Variants in SLC23A2 observed in about 807,000 individuals in gnomAD.
SLC23A2 encodes the protein solute carrier family 23 member 2.
SLC23A2 carries 36 observed loss-of-function variants against 73.3 expected under a neutral mutation model. The observed-to-expected ratio is 0.49, with a 90% CI of 0.38 to 0.65. The LOEUF (loss-of-function observed/expected upper bound fraction) is 0.65. SLC23A2 is among the 30% of genes least tolerant of loss of function. The pLI is 0.00. For synonymous variants in SLC23A2, 343 were observed against 327.3 expected (o/e 1.05, Z -0.52); for missense variants, 507 against 841.6 (o/e 0.60, Z 4.92).
intron 1 of SLC23A2, among the ~76,000 whole-genome samples, chr20:4,993,219 G>C (rs2087957713): frequency 6.6e-6 from 1 of 150,684 alleles, no homozygotes; most frequent in African/African-American, 2.5e-5. Context: ...GGGAGGTGGA[G>C]CTTGCAGTGA....
intron 3 of SLC23A2, among the ~76,000 whole-genome samples, chr20:4,923,427 G>A (rs186981559): frequency 6.6e-6 from 1 of 152,088 alleles, no homozygotes; most frequent in Non-Finnish European, 1.5e-5. Flanking sequence ...AACAGAAAAG[G>A]GTGCTCATCT....
upstream of SLC23A2, among the ~76,000 whole-genome samples, chr20:5,003,781 C>T (rs1350788510): frequency 6.6e-6 from 1 of 152,120 alleles, no homozygotes; most frequent in African/African-American, 2.4e-5. Context: ...CCCCTGCCAT[C>T]ACCCCTCAGG....
chr20:4,880,831 A>T (rs1342103439), intron 9 of SLC23A2, among the ~76,000 whole-genome samples: 3 of 151,976 alleles, frequency 2.0e-5, no homozygotes, highest in African/African-American at 7.3e-5. Context: ...AGACATTGGA[A>T]CAGTAAGAAA....
chr20:4,920,180 G>T (rs1932456764), intron 3 of SLC23A2, among the ~76,000 whole-genome samples: 2 of 152,190 alleles, frequency 1.3e-5, no homozygotes, highest in Non-Finnish European at 2.9e-5. Context: ...AGAATTGCTT[G>T]AACCTGGGAG....
intron 1 of SLC23A2, among the ~76,000 whole-genome samples, chr20:4,990,178 C>T (rs2087902741): frequency 1.3e-5 from 2 of 152,232 alleles, no homozygotes; most frequent in African/African-American, 2.4e-5. Flanking sequence ...CTTTGTCAGG[C>T]CACAGATTTT....
chr20:4,870,221 C>T (rs1427277212), intron 11 of SLC23A2, among the ~76,000 whole-genome samples, 168 bp from the exon 12 acceptor site: 3 of 152,162 alleles, frequency 2.0e-5, no homozygotes, highest in African/African-American at 4.8e-5. Flanking sequence ...ATGCCTGGGA[C>T]AGTTGCTAAG....
intron 4 of SLC23A2, among the ~76,000 whole-genome samples, chr20:4,908,328 G>GA (rs1361017827): frequency 6.6e-6 from 1 of 152,120 alleles, no homozygotes; most frequent in Non-Finnish European, 1.5e-5. Flanking sequence ...AACCTAAGCT[G>GA]AGAGAGATTC....
intron 9 of SLC23A2, among the ~76,000 whole-genome samples, chr20:4,881,742 T>C (rs1313233295): frequency 1.3e-5 from 2 of 152,246 alleles, no homozygotes; most frequent in Non-Finnish European, 2.9e-5. Flanking sequence ...ATGTGCTGTA[T>C]CTGCTTTAAA....
intron 1 of SLC23A2, among the ~76,000 whole-genome samples, chr20:5,008,630 C>T (rs1350579093): frequency 6.6e-6 from 1 of 152,146 alleles, no homozygotes; most frequent in African/African-American, 2.4e-5. Context: ...TCCTCATCCC[C>T]CACCTCCCCT....
intron 2 of SLC23A2, among the ~76,000 whole-genome samples, chr20:4,944,988 C>T (rs1256572011): frequency 6.8e-6 from 1 of 146,162 alleles, no homozygotes; most frequent in Non-Finnish European, 1.5e-5. Flanking sequence ...TTGAATGAAA[C>T]GCTCTGAATT....
upstream of SLC23A2, among the ~76,000 whole-genome samples, chr20:5,003,743 G>A (rs2088160074): frequency 6.6e-6 from 1 of 151,768 alleles, no homozygotes; most frequent in African/African-American, 2.4e-5. Flanking sequence ...CTGCCCAGCC[G>A]TCCTGCCTGC....
Position 4,884,795 on chromosome 20 carries a change from C to A in SLC23A2, c.600G>T (p.Glu200Asp). 14 of 1,574,424 alleles carry A rather than the reference C, an allele frequency of 8.9e-6. No individual in the cohort carries two copies. Among genetic ancestry groups the A allele is most frequent in the Non-Finnish European group, 1.2e-5 (14 of 1,167,264 alleles). ...TDVSVANGTA[E>D]LLHTEHIWYP... Reference sequence around the variant, plus strand: ...ACCAGATGTGTTCTGTGTGCAACAGCTCTGCTGTTCCATTGGCAACTGAAA... The same window carrying A: ...ACCAGATGTGTTCTGTGTGCAACAGATCTGCTGTTCCATTGGCAACTGAAA... The change falls in exon 8 of 17, where the codon GAG (glutamate) becomes GAT (aspartate). Residue 200 changes from glutamate (E) to aspartate (D), a missense_variant. By Grantham distance (45) the Glu-to-Asp change is conservative. Transcript: ENST00000338244.
At chr20:4,884,002 T>A (rs1356150675) in intron 8 of SLC23A2, among the ~76,000 whole-genome samples, 179 bp from the exon 9 acceptor site, 2 of 152,202 alleles carry the variant, frequency 1.3e-5, no homozygotes, top group East Asian at 3.8e-4. Context: ...GGGCACTAAC[T>A]GGGGCCTGCA....
At chr20:5,006,456 G>A (rs192720932), upstream of SLC23A2, among the ~76,000 whole-genome samples, 17 of 152,066 alleles carry the variant, frequency 1.1e-4, no homozygotes, top group Admixed American at 9.2e-4. Flanking sequence ...AGAATTTGGG[G>A]GGTGGGGAAA....
rs1430316521 is a variant in SLC23A2, at chr20:4,899,511, C to T, written c.482+44G>A. 1 of 1,106,308 alleles carries T rather than the reference C, an allele frequency of 9.0e-7. No homozygotes were observed. Among genetic ancestry groups the T allele is most frequent in the Non-Finnish European group, 1.3e-6 (1 of 774,540 alleles). The allele number at this position is 1,106,308 out of a possible 1,614,324, so 68.5% of individuals were successfully genotyped here. On this transcript the variant is annotated intron_variant, in intron 6 of 16. Coordinates refer to ENST00000338244, the MANE Select transcript of SLC23A2 (RefSeq NM_005116.6). The surrounding 1 kb of genome is among the most constrained non-coding windows in gnomAD (Gnocchi z 4.9). ...AGCTCAATGCCTTCTGCGCTCAATG[C>T]CTTCTGGGGGCTTTGGCATCCCCCA... is the stretch of plus-strand genomic sequence containing the variant.
In SLC23A2 at chr20:4,986,689, C is replaced by CACACACACACACAG. The variant is rs71197739; in HGVS notation, c.-282+14716_-282+14717insCTGTGTGTGTGTGT. ...ACACACACACACACACACACACACA[C>CACACACACACACAG]AGAGATGAATATAAATAGAGAGAAG... On this transcript the variant is annotated intron_variant, in intron 1 of 16. Transcript: ENST00000338244. Among the ~76,000 whole-genome samples, 218 of 129,908 alleles carry CACACACACACACAG rather than the reference C, an allele frequency of 1.7e-3. 4 individuals carry two copies. The South Asian group carries it at 0.02, about 12-fold the overall frequency. The allele number at this position is 129,908 out of a possible 152,430, so 85.2% of individuals were successfully genotyped here. A position where few individuals can be genotyped will look rare whatever the true frequency, so the allele number is the denominator to read the frequency against.
intron 6 of SLC23A2, among the ~76,000 whole-genome samples, chr20:4,895,226 C>T (rs1931476240): frequency 6.6e-6 from 1 of 152,196 alleles, no homozygotes; most frequent in Non-Finnish European, 1.5e-5. Context: ...GTGAGCTTCT[C>T]CAAAGCAAAA....
chr20:4,952,695 G>A (rs571733423), intron 2 of SLC23A2, among the ~76,000 whole-genome samples: 9 of 152,260 alleles, frequency 5.9e-5, no homozygotes, highest in African/African-American at 1.9e-4. Context: ...CAATGCATAA[G>A]CCACATTGCT....
intron 2 of SLC23A2, among the ~76,000 whole-genome samples, chr20:4,964,662 T>C (rs1465554248): frequency 1.3e-5 from 2 of 151,798 alleles, no homozygotes; most frequent in East Asian, 1.9e-4. Flanking sequence ...TGTGCACACA[T>C]GCAGAAAATG....
Sources: allele counts gnomAD v4.1 joint callset (sites outside exome capture counted in the v4.1 genomes callset), GRCh38; gene constraint gnomAD v4.1.1; non-coding constraint Gnocchi (gnomAD v3.1); transcripts MANE v1.5; gene names NCBI Gene and HGNC (gene_info 2026-07-23, HGNC 2026-07-21).